NOMO2: variants seen among roughly 807,000 people sequenced by gnomAD.
NOMO2 encodes the protein NODAL modulator 2.
In NOMO2, 14 loss-of-function variants were observed where a neutral mutation model predicts 67.1. The observed-to-expected ratio is 0.21, with a 90% CI of 0.14 to 0.33. The LOEUF is 0.33. NOMO2 is among the 10% of genes least tolerant of loss of function. The pLI is 1.00. For missense variants in NOMO2, 178 were observed against 761.0 expected (o/e 0.23, Z 9.01); for synonymous variants, 80 against 305.9 (o/e 0.26, Z 7.71).
chr16:18,538,388 TCA>T (rs1901467861), intron 11 of NOMO2, 136 bp downstream of exon 11: 1 of 518,712 alleles, frequency 1.9e-6, no homozygotes, highest in African/African-American at 4.3e-5. Context: ...ACTCTGTCTC[TCA>T]AAAAAAAAAA....
chr16:18,520,405 T>TCCATCCAA (rs1054415101), intron 20 of NOMO2, among the ~76,000 whole-genome samples, 192 bp downstream of exon 20: 1 of 138,652 alleles, frequency 7.2e-6, no homozygotes, highest in Admixed American at 7.2e-5. Context: ...CATCCATCCA[T>TCCATCCAA]CCAACCCAAC....
intron 3 of NOMO2, among the ~76,000 whole-genome samples, chr16:18,553,017 T>C (rs1338114087): frequency 6.6e-6 from 1 of 151,974 alleles, no homozygotes; most frequent in Non-Finnish European, 1.5e-5. Flanking sequence ...CTCTTGCCTA[T>C]AATCCCCACA....
chr16:18,556,868 G>A (rs1567247527), intron 2 of NOMO2, among the ~76,000 whole-genome samples: 2 of 152,186 alleles, frequency 1.3e-5, no homozygotes, highest in African/African-American at 2.4e-5. Flanking sequence ...GCTCACACCT[G>A]TAATCCCAGC....
At chr16:18,535,081 T>A (rs893940682) in intron 11 of NOMO2, among the ~76,000 whole-genome samples, 10 of 115,212 alleles carry the variant, frequency 8.7e-5, no homozygotes, top group Admixed American at 3.0e-4. Flanking sequence ...CAGCCTGTAA[T>A]CCCAGCACTT....
At chr16:18,540,343 G>T (rs1432191821) in intron 9 of NOMO2, among the ~76,000 whole-genome samples, 2 of 151,004 alleles carry the variant, frequency 1.3e-5, no homozygotes, top group Non-Finnish European at 2.9e-5. Flanking sequence ...AAATATTTTT[G>T]CTGGGCACCT....
At position 18,533,129 on chromosome 16, in the gene NOMO2, T is replaced by C. The variant is rs769679033; in HGVS notation, c.1271A>G (p.Lys424Arg). 3.1e-6 allele frequency: 5 copies of C among 1,611,460 alleles called. No homozygotes were observed. The highest frequency in any genetic ancestry group is 4.2e-6 in the Non-Finnish European group (5 of 1,179,732). ...GACAACTTTGTATTTATTCATCTGC[T>C]TGACGGTGTCCGGGAAGCGAATGAT... Reference protein sequence around the residue: ...ISIIRFPDTVKQMNKYKVVLS... With the variant: ...ISIIRFPDTVRQMNKYKVVLS... Residue 424 changes from lysine to arginine, a missense_variant, in exon 12 of 31, where the codon AAG becomes AGG. Transcript: ENST00000622306.
rs554679131 is a variant in NOMO2 at position 18,529,337 on chromosome 16, A to G, written c.1806+164T>C. 5,054 of 1,294,314 alleles carry G rather than the reference A, an allele frequency of 3.9e-3. 26 individuals are homozygous for G. The highest frequency in any genetic ancestry group is 4.9e-3 in the Non-Finnish European group (4,516 of 913,882). The allele number at this position is 1,294,314 out of a possible 1,614,324, so 80.2% of individuals were successfully genotyped here. On this transcript the variant is annotated intron_variant, in intron 15 of 30. Transcript: ENST00000622306. Reference sequence around the variant, plus strand: ...ACAGGGGTCCTTCCACTGAGAGAGTATAAATGCTTCCTGATTATGCGTTGC... The same window carrying G: ...ACAGGGGTCCTTCCACTGAGAGAGTGTAAATGCTTCCTGATTATGCGTTGC...
At position 18,538,532 on chromosome 16, in the gene NOMO2, G is replaced by A. The variant is rs1567241881; in HGVS notation, c.1214C>T (p.Ala405Val). 4.3e-6 allele frequency: 7 copies of A among 1,613,586 alleles called. No homozygotes were observed. The highest frequency in any genetic ancestry group is 1.7e-5 in the Admixed American group (1 of 59,978). The change falls in exon 11 of 31, where the codon GCA (alanine) becomes GTA (valine). Residue 405 changes from alanine (A) to valine (V), a missense_variant. Ala to Val is a moderately conservative substitution (Grantham distance 64). Transcript: ENST00000622306. ...ATCCACACGATAAGCTTACCCTGTTGCAACAATGTCAGCCAGCTGAGGTGT... is the reference window on the plus strand; with the variant it reads ...ATCCACACGATAAGCTTACCCTGTTACAACAATGTCAGCCAGCTGAGGTGT... Reference protein sequence around the residue: ...PNTPQLADIVATGFSVCGRIS... With the variant: ...PNTPQLADIVVTGFSVCGRIS...
chr16:18,552,809 T>G (rs2141753684), intron 3 of NOMO2, among the ~76,000 whole-genome samples: 1 of 152,108 alleles, frequency 6.6e-6, no homozygotes, highest in Middle Eastern at 3.4e-3. Context: ...ATCAGCTCTA[T>G]GGCTCAGCGA....
intron 3 of NOMO2, among the ~76,000 whole-genome samples, chr16:18,552,807 T>C (rs1901818591): frequency 6.6e-6 from 1 of 151,978 alleles, no homozygotes; most frequent in African/African-American, 2.4e-5. Flanking sequence ...GTATCAGCTC[T>C]ATGGCTCAGC....
intron 11 of NOMO2, among the ~76,000 whole-genome samples, chr16:18,534,273 C>A (rs1290827694): frequency 6.6e-6 from 1 of 151,464 alleles, no homozygotes; most frequent in Non-Finnish European, 1.5e-5. Context: ...ACCCAAGGAC[C>A]CCCCTCCCAT....
chr16:18,561,173 TAAAAAAAAAAAAAAAAAAAA>T (rs756246897), intron 1 of NOMO2, among the ~76,000 whole-genome samples: 3 of 32,452 alleles, frequency 9.2e-5, no homozygotes, highest in Admixed American at 5.4e-4. Context: ...ACAACTTAAT[TAAAAAAAAAAAAAAAAAAAA>T]AAAAAAAAAA....
chr16:18,558,550 T>C (rs1901963956), intron 1 of NOMO2: 1 of 176,962 alleles, frequency 5.7e-6, no homozygotes, highest in African/African-American at 2.3e-5. Flanking sequence ...TCTGAATAAT[T>C]TCAAATACTT....
At chr16:18,555,583 T>C (rs911548101) in intron 2 of NOMO2, among the ~76,000 whole-genome samples, 1 of 151,644 alleles carries the variant, frequency 6.6e-6, no homozygotes, top group African/African-American at 2.4e-5. Flanking sequence ...TAGATTTTAC[T>C]TATCAACCCT....
chr16:18,526,386 T>A (rs1034786520), intron 16 of NOMO2, among the ~76,000 whole-genome samples: 7 of 152,088 alleles, frequency 4.6e-5, no homozygotes, highest in Middle Eastern at 3.2e-3. Context: ...AACATAAATT[T>A]ATTACACAAT....
intron 2 of NOMO2, among the ~76,000 whole-genome samples, chr16:18,557,464 G>A (rs1279966152): frequency 1.3e-5 from 2 of 151,590 alleles, no homozygotes; most frequent in Non-Finnish European, 2.9e-5. Context: ...AGCCACAGAT[G>A]TCACAACAAA....
intron 11 of NOMO2, among the ~76,000 whole-genome samples, chr16:18,537,384 C>A (rs117182404): frequency 1.3e-5 from 2 of 149,672 alleles, no homozygotes; most frequent in East Asian, 3.9e-4. Context: ...AGCCACTCTA[C>A]TCCATGCCAC....
At position 18,558,679 on chromosome 16, in the gene NOMO2, T is replaced by G. The variant is rs537625279; in HGVS notation, c.166-888A>C. 665 of 313,806 alleles carry G rather than the reference T, an allele frequency of 2.1e-3. 6 individuals are homozygous for G. Among genetic ancestry groups the G allele is most frequent in the South Asian group, 0.016 (650 of 40,176 alleles). The allele number at this position is 313,806 out of a possible 1,614,324, so 19.4% of individuals were successfully genotyped here. ...CAAGGACTCTCTAAAACTCTTACAT[T>G]CTGAGCATTACCAGACACGAAGTGT... is the stretch of plus-strand genomic sequence containing the variant. On this transcript the variant is annotated intron_variant, in intron 1 of 30. Transcript: ENST00000622306.
intron 7 of NOMO2, among the ~76,000 whole-genome samples, 188 bp downstream of exon 7, chr16:18,543,428 AC>A (rs1398814636): frequency 6.7e-6 from 1 of 148,864 alleles, no homozygotes; most frequent in African/African-American, 2.5e-5. Context: ...TGATCCACCC[AC>A]CTTGGCCTCC....
Sources: gnomAD v4.1 joint callset for allele counts (sites outside exome capture counted in the v4.1 genomes callset) on GRCh38, gnomAD v4.1.1 for gene constraint, MANE v1.5 for transcripts, NCBI Gene and HGNC (gene_info 2026-07-23, HGNC 2026-07-21) for gene names.